The following WDR74 variants were observed in gnomAD, a reference collection of about 807,000 sequenced individuals.
WDR74 encodes the protein WD repeat-containing protein 74.
A neutral mutation model predicts 45.6 loss-of-function variants in WDR74; 31 were observed. The ratio of observed to expected loss-of-function variants is 0.68; its 90% CI spans 0.51 to 0.92. The LOEUF (loss-of-function observed/expected upper bound fraction) is 0.92, where lower values mean the gene tolerates loss of function less well. WDR74 is among the 40% of genes least tolerant of loss of function. The pLI, the probability that WDR74 is intolerant of heterozygous loss-of-function variation, is 0.00. For synonymous variants in WDR74, 191 were observed against 192.4 expected (o/e 0.99, Z 0.06); for missense variants, 455 against 497.2 (o/e 0.92, Z 0.81).
upstream of WDR74, chr11:62,841,630 CGTTCCTGGAAGTACT>C (rs2134908523): frequency 6.6e-6 from 1 of 152,326 alleles, no homozygotes; most frequent in Admixed American, 6.5e-5. Flanking sequence ...GAGAGTGCAC[CGTTCCTGGAAGTACT>C]GCAATACCAG....
chr11:62,841,729 C>CTCGGAT (rs2085065512), upstream of WDR74: 1 of 152,124 alleles, frequency 6.6e-6, no homozygotes. Flanking sequence ...ATATATTGTC[C>CTCGGAT]TCGGATAGAG....
intron 3 of WDR74, among the ~76,000 whole-genome samples, chr11:62,837,310 T>C (rs1482533564): frequency 6.6e-6 from 1 of 151,876 alleles, no homozygotes; most frequent in Non-Finnish European, 1.5e-5. Context: ...CTGGCCAACA[T>C]AGTGAAACCC....
intron 3 of WDR74, among the ~76,000 whole-genome samples, chr11:62,838,327 A>AT (rs573305171): frequency 9.2e-5 from 14 of 151,728 alleles, no homozygotes; most frequent in Non-Finnish European, 2.1e-4. Flanking sequence ...TAATTTTTGT[A>AT]TTTTTTTAGT....
chr11:62,838,497 G>A (rs1019798566), intron 3 of WDR74, among the ~76,000 whole-genome samples: 4 of 151,596 alleles, frequency 2.6e-5, no homozygotes, highest in Non-Finnish European at 5.9e-5. Flanking sequence ...AGTGGCTCAC[G>A]CCTGTAATCC....
Position 62,834,499 on chromosome 11 carries a change from TG to T in WDR74, c.646del (p.Gln216SerfsTer6). On this transcript the variant is annotated frameshift_variant, in exon 7 of 11. Transcript: ENST00000278856. LOFTEE classifies it high-confidence loss of function. ...GGTGGTCTCTAGGACTGGCCGGCGCTGGGGGGATGCTGGATCATAAACACGG... is the reference window on the plus strand; with the variant it reads ...GGTGGTCTCTAGGACTGGCCGGCGCTGGGGGATGCTGGATCATAAACACGG... The part of the protein sequence containing the change: ...QVRVYDPASP[Q>X]RRPVLETTYG... The T allele has an allele frequency of 6.2e-7, 1 of 1,609,216 alleles. No individual in the cohort carries two copies.
At chr11:62,841,635 C>A (rs576316337), upstream of WDR74, 2 of 152,234 alleles carry the variant, frequency 1.3e-5, no homozygotes, top group South Asian at 2.1e-4. Flanking sequence ...TGCACCGTTC[C>A]TGGAAGTACT....
upstream of WDR74, chr11:62,839,805 C>T: frequency 3.5e-6 from 2 of 578,460 alleles, no homozygotes; most frequent in Non-Finnish European, 6.0e-6. Flanking sequence ...TCCTGGACTG[C>T]GTGGCCGGAT....
At chr11:62,839,463 C>T in intron 1 of WDR74, 35 bp from the exon 2 acceptor site, 3 of 1,613,560 alleles carry the variant, frequency 1.9e-6, no homozygotes, top group African/African-American at 1.3e-5. Context: ...GCCAGGGGCG[C>T]GAGTGCACCC....
At chr11:62,839,592 G>C (rs369606671), upstream of WDR74, 3 of 1,590,128 alleles carry the variant, frequency 1.9e-6, no homozygotes, top group Non-Finnish European at 2.6e-6. Context: ...GAGGCAGACA[G>C]TTCACACTTC....
At chr11:62,841,404 A>C, upstream of WDR74, among the ~76,000 whole-genome samples, 1 of 151,550 alleles carries the variant, frequency 6.6e-6, no homozygotes, top group East Asian at 2.0e-4. Flanking sequence ...CAGAGGCTGA[A>C]GTATGAAGAT....
chr11:62,837,623 C>T (rs966466439), intron 3 of WDR74, among the ~76,000 whole-genome samples: 13 of 152,034 alleles, frequency 8.6e-5, no homozygotes, highest in African/African-American at 2.7e-4. Context: ...CCAGGCAGTA[C>T]CCTCTTTCTA....
At chr11:62,839,806 G>C (rs984364100), upstream of WDR74, 17 of 581,402 alleles carry the variant, frequency 2.9e-5, no homozygotes, top group African/African-American at 1.7e-4. Context: ...CCTGGACTGC[G>C]TGGCCGGATC....
chr11:62,835,610 A>G, intron 5 of WDR74, 78 bp from the exon 6 acceptor site: 1 of 1,613,358 alleles, frequency 6.2e-7, no homozygotes, highest in Non-Finnish European at 8.5e-7. Context: ...TTCGCCCCCT[A>G]AGTCCATCTA....
chr11:62,841,437 C>G (rs1056210035), upstream of WDR74: 1 of 152,232 alleles, frequency 6.6e-6, no homozygotes, highest in African/African-American at 2.4e-5. Context: ...CATGGAGATA[C>G]TACGCTCCGT....
At chr11:62,834,189 T>G (rs563031844) in intron 8 of WDR74, 87 bp downstream of exon 8, 9 of 1,585,910 alleles carry the variant, frequency 5.7e-6, no homozygotes, top group Non-Finnish European at 6.9e-6. Flanking sequence ...GAATGAGGCC[T>G]CACTGGCCCC....
rs1590987433 is a variant in WDR74 at position 62,836,158 on chromosome 11, C to A, written c.294-122G>T. The stretch of plus-strand genomic sequence containing the variant: ...AGAAAAAAAAAAGTATAAAAGTATT[C>A]TCTAGGCCCCAAACTCATATCAACC... On this transcript the variant is annotated intron_variant, in intron 3 of 10. Coordinates refer to ENST00000278856, the MANE Select transcript of WDR74 (RefSeq NM_001369450.1). The A allele has an allele frequency of 2.1e-5, 21 of 1,009,648 alleles. No homozygotes were observed. In the East Asian group the frequency reaches 5.3e-4, roughly 25 times the overall value. The allele number at this position is 1,009,648 out of a possible 1,614,324, so 62.5% of individuals were successfully genotyped here. A position where few individuals can be genotyped will look rare whatever the true frequency, so the allele number is the denominator to read the frequency against.
chr11:62,841,697 C>G (rs577076800), upstream of WDR74: 2 of 152,208 alleles, frequency 1.3e-5, no homozygotes, highest in Admixed American at 6.5e-5. Flanking sequence ...TATTCCATCT[C>G]CTATTTCCAA....
upstream of WDR74, chr11:62,841,658 C>G (rs1041634113): frequency 2.0e-5 from 3 of 152,344 alleles, no homozygotes; most frequent in South Asian, 2.1e-4. Context: ...AATACCAGGT[C>G]GATGCGTGGA....
At position 62,833,602 on chromosome 11, in the gene WDR74, G is replaced by A. The variant is rs888071119; in HGVS notation, c.978+16C>T. On this transcript the variant is annotated intron_variant, in intron 10 of 10. Coordinates refer to ENST00000278856, the MANE Select transcript of WDR74 (RefSeq NM_001369450.1). Reference sequence around the variant, plus strand: ...CTATGCCCTTGGCTCCCACATTCCCGGGCCCAACTGCTCACCTCCCAGTTG... The same window carrying A: ...CTATGCCCTTGGCTCCCACATTCCCAGGCCCAACTGCTCACCTCCCAGTTG... 135 of 1,551,424 alleles carry A rather than the reference G, an allele frequency of 8.7e-5. 1 individual carries two copies. The highest frequency in any genetic ancestry group is 1.1e-4 in the Non-Finnish European group (124 of 1,146,986).
Sources: allele counts gnomAD v4.1 joint callset (sites outside exome capture counted in the v4.1 genomes callset), GRCh38; gene constraint gnomAD v4.1.1; transcripts MANE v1.5; gene names NCBI Gene and HGNC (gene_info 2026-07-23, HGNC 2026-07-21).